The following HDLBP variants were observed in gnomAD, a reference collection of about 807,000 sequenced individuals.
HDLBP encodes the protein vigilin.
In HDLBP, 30 loss-of-function variants were observed where a neutral mutation model predicts 137.3. That is an observed-to-expected ratio of 0.22 (90% CI 0.16 to 0.30). The LOEUF is 0.30. Ranked by LOEUF, HDLBP falls within the 10% of genes least tolerant of loss-of-function variation. HDLBP has a pLI of 1.00. For missense variants in HDLBP, 1,119 were observed against 1,667.3 expected (o/e 0.67, Z 5.73); for synonymous variants, 606 against 596.0 (o/e 1.02, Z -0.24).
At chr2:241,313,039 A>G (rs2075799644) in intron 1 of HDLBP, among the ~76,000 whole-genome samples, 1 of 152,118 alleles carries the variant, frequency 6.6e-6, no homozygotes, top group Admixed American at 6.6e-5. Flanking sequence ...CCTCTTTCCT[A>G]GTCTTCCTGT....
At chr2:241,278,507 CG>C (rs1392076150) in intron 1 of HDLBP, among the ~76,000 whole-genome samples, 2 of 151,768 alleles carry the variant, frequency 1.3e-5, no homozygotes, top group African/African-American at 4.8e-5. Context: ...TGCTTGAACC[CG>C]GGAGGTGGAG....
chr2:241,235,663 G>GGGGCTC, intron 21 of HDLBP, 69 bp from the exon 22 acceptor site: 1 of 1,085,156 alleles, frequency 9.2e-7, no homozygotes, highest in Non-Finnish European at 1.4e-6. Context: ...GCTCAGCAAT[G>GGGGCTC]GGGCTCCACG....
At chr2:241,278,249 C>T (rs556814898) in intron 1 of HDLBP, among the ~76,000 whole-genome samples, 6 of 152,278 alleles carry the variant, frequency 3.9e-5, no homozygotes, top group African/African-American at 1.4e-4. Context: ...TTACTCGCCA[C>T]ATTAACAGCA....
intron 1 of HDLBP, chr2:241,280,220 A>T (rs921544592): frequency 1.6e-6 from 1 of 633,176 alleles, no homozygotes; most frequent in Non-Finnish European, 2.0e-6. Flanking sequence ...TATGTGGCTC[A>T]TATTACATTT....
At chr2:241,299,282 A>G (rs1314836471) in intron 1 of HDLBP, among the ~76,000 whole-genome samples, 1 of 152,012 alleles carries the variant, frequency 6.6e-6, no homozygotes, top group South Asian at 2.1e-4. Context: ...GCACTTTGGG[A>G]GGCCGAGGCA....
intron 5 of HDLBP, among the ~76,000 whole-genome samples, chr2:241,260,633 G>A (rs577740591): frequency 1.3e-4 from 20 of 152,324 alleles, no homozygotes; most frequent in African/African-American, 4.8e-4. Flanking sequence ...CCAATTGATA[G>A]TAAAATGATT....
intron 1 of HDLBP, among the ~76,000 whole-genome samples, chr2:241,276,045 T>C (rs985248321): frequency 6.6e-6 from 1 of 152,100 alleles, no homozygotes; most frequent in Non-Finnish European, 1.5e-5. Context: ...AATTAAATTA[T>C]AGATAGGTAC....
rs193157367 is a variant in HDLBP, at chr2:241,229,824, G to T, written c.3720+9C>A. ...CTGGGACCCAGGAGGGCAGAAGCCC[G>T]CATCTGACCTTCTCACTGCTGCTGG... On this transcript the variant is annotated intron_variant, in intron 27 of 27. Coordinates refer to ENST00000310931, the MANE Select transcript of HDLBP (RefSeq NM_005336.6). 1 of 800,478 alleles carries T rather than the reference G, an allele frequency of 1.2e-6. No individual in the cohort carries two copies. Among genetic ancestry groups the T allele is most frequent in the Non-Finnish European group, 1.8e-6 (1 of 541,780 alleles). 49.6% of individuals were successfully genotyped at this position (800,478 alleles called of 1,614,324 possible).
intron 1 of HDLBP, among the ~76,000 whole-genome samples, chr2:241,281,028 G>C (rs1368928158): frequency 6.6e-6 from 1 of 152,206 alleles, no homozygotes; most frequent in Non-Finnish European, 1.5e-5. Context: ...CCTAATTAAA[G>C]AACATGTGTC....
At chr2:241,309,370 C>T (rs1261937074) in intron 1 of HDLBP, among the ~76,000 whole-genome samples, 1 of 152,178 alleles carries the variant, frequency 6.6e-6, no homozygotes, top group African/African-American at 2.4e-5. Flanking sequence ...CAGATCAATA[C>T]ATTTACACTA....
At chr2:241,249,798 G>A (rs752579127) in intron 12 of HDLBP, 43 bp downstream of exon 12, 10 of 1,549,798 alleles carry the variant, frequency 6.5e-6, no homozygotes, top group Admixed American at 6.0e-5. Context: ...GCCAAGAGAC[G>A]CAAGGCCAGT....
Position 241,255,509 on chromosome 2 carries a change from G to C in HDLBP, c.945C>G (p.Gly315=). ...TCTCAAGGATCTCCTGCAATGAATTGCCCTTGGGCCCAATGACATACTTGT... is the reference window on the plus strand; with the variant it reads ...TCTCAAGGATCTCCTGCAATGAATTCCCCTTGGGCCCAATGACATACTTGT... ...SQHKYVIGPK[G]NSLQEILERT... The change falls in exon 8 of 28, where the codon GGC becomes GGG. Residue 315 remains glycine (G), a synonymous_variant. Transcript: ENST00000310931. The C allele has an allele frequency of 6.2e-7, 1 of 1,613,938 alleles. No homozygotes were observed. Among genetic ancestry groups the C allele is most frequent in the Non-Finnish European group, 8.5e-7 (1 of 1,179,794 alleles).
chr2:241,296,319 G>C (rs1452098259), intron 1 of HDLBP, among the ~76,000 whole-genome samples: 1 of 152,108 alleles, frequency 6.6e-6, no homozygotes, highest in African/African-American at 2.4e-5. Flanking sequence ...TATAAAGTTT[G>C]ATCCCTACCT....
Position 241,272,746 on chromosome 2 carries a change from G to A in HDLBP, c.-102-4205C>T, listed in dbSNP as rs2074204784. The A allele has an allele frequency of 6.7e-6, 2 of 298,946 alleles. No homozygotes were observed. The highest frequency in any genetic ancestry group is 3.9e-5 in the African/African-American group (1 of 25,788). The allele number at this position is 298,946 out of a possible 1,614,324, so 18.5% of individuals were successfully genotyped here. A position where few individuals can be genotyped will look rare whatever the true frequency, so the allele number is the denominator to read the frequency against. ...CCGCCCGCCCAGGCCTCCCAGCCCC[G>A]TGTTGCGCGCTCACTCGTGGGCCCC... On this transcript the variant is annotated intron_variant, in intron 1 of 27. Transcript: ENST00000310931. This position sits in a 1 kb window ranked among gnomAD's most constrained non-coding sequence, Gnocchi z 5.6.
intron 1 of HDLBP, among the ~76,000 whole-genome samples, chr2:241,291,035 G>GC (rs2074998887): frequency 6.6e-6 from 1 of 152,222 alleles, no homozygotes; most frequent in Non-Finnish European, 1.5e-5. Flanking sequence ...AGACTTATCT[G>GC]CAGGAGGGGA....
At position 241,247,078 on chromosome 2, in the gene HDLBP, T is replaced by C; in HGVS notation, c.1796A>G (p.Lys599Arg). The change falls in exon 15 of 28, where the codon AAA becomes AGA. Residue 599 changes from lysine to arginine, a missense_variant. Around this residue, in one of 4 missense-constraint regions of HDLBP, gnomAD observed 425 missense variants for 693.9 expected, o/e 0.61. Transcript: ENST00000310931. ...CACCTTTTTAATGTTTGCGCCTCCT[T>C]TCCCAATGATATTCTTGTGAAACTG... ...FKQFHKNIIG[K>R]GGANIKKIRE... The C allele has an allele frequency of 5.0e-6, 8 of 1,613,070 alleles. No individual in the cohort carries two copies. The highest frequency in any genetic ancestry group is 6.8e-6 in the Non-Finnish European group (8 of 1,179,024).
chr2:241,233,025 G>A lies in HDLBP; in HGVS notation c.3288+795C>T, dbSNP rs999026420. ...GGGGAAGCAGCGGAAAACCCTGGGC[G>A]GCACATCCACAGTGGGAGCGAGGGG... On this transcript the variant is annotated intron_variant, in intron 24 of 27. Transcript: ENST00000310931. This position sits in a 1 kb window ranked among gnomAD's most constrained non-coding sequence, Gnocchi z 4.3. Among the ~76,000 whole-genome samples the A allele has an allele frequency of 2.0e-5, 3 of 152,088 alleles. No individual in the cohort carries two copies. Among genetic ancestry groups the A allele is most frequent in the Non-Finnish European group, 2.9e-5 (2 of 68,020 alleles).
intron 16 of HDLBP, among the ~76,000 whole-genome samples, chr2:241,244,342 A>G (rs2071502796): frequency 6.6e-6 from 1 of 152,232 alleles, no homozygotes; most frequent in African/African-American, 2.4e-5. Context: ...GAACACATAT[A>G]TTCAAGAAGC....
chr2:241,280,425 A>G (rs762490274), intron 1 of HDLBP, among the ~76,000 whole-genome samples: 11 of 152,234 alleles, frequency 7.2e-5, no homozygotes, highest in Non-Finnish European at 1.3e-4. Context: ...AGACAGAAAC[A>G]AAGACCTTGC....
Sources: gnomAD v4.1 joint callset for allele counts (sites outside exome capture counted in the v4.1 genomes callset) on GRCh38, gnomAD v4.1.1 for gene constraint, gnomAD v4.1.1 regional missense constraint, Gnocchi (gnomAD v3.1) non-coding constraint, MANE v1.5 for transcripts, NCBI Gene and HGNC (gene_info 2026-07-23, HGNC 2026-07-21) for gene names.